Variants in SLC36A1 observed in about 807,000 individuals in gnomAD.
The protein encoded by SLC36A1 is proton-coupled amino acid transporter 1.
A neutral mutation model predicts 47.5 loss-of-function variants in SLC36A1; 30 were observed. The observed-to-expected ratio is 0.63, with a 90% confidence interval of 0.47 to 0.86. The LOEUF (loss-of-function observed/expected upper bound fraction) is 0.86. Ranked by LOEUF, SLC36A1 falls within the 40% of genes least tolerant of loss-of-function variation. SLC36A1 has a pLI of 0.00. For synonymous variants in SLC36A1, 255 were observed against 249.7 expected, an observed-to-expected ratio of 1.02 and a Z score of -0.20; for missense variants, 517 against 606.0, an observed-to-expected ratio of 0.85 and a Z score of 1.54.
the SLC36A1 span, chr5:151,506,071 G>A: frequency 2.6e-6 from 4 of 1,533,480 alleles, no homozygotes; most frequent in South Asian, 3.9e-5. Flanking sequence ...TAAGTAGGGG[G>A]CCAGACCATG....
intron 1 of SLC36A1, among the ~76,000 whole-genome samples, chr5:151,451,504 G>C (rs1441997995): frequency 1.3e-5 from 2 of 152,190 alleles, no homozygotes; most frequent in African/African-American, 4.8e-5. Context: ...TCACAATCCA[G>C]AGTTTTAAAT....
the SLC36A1 span, among the ~76,000 whole-genome samples, chr5:151,520,807 TA>T: frequency 2.4e-3 from 372 of 152,326 alleles, 1 homozygote; most frequent in African/African-American, 8.6e-3. Context: ...CAGACTATGG[TA>T]ATAATAGTAG....
the SLC36A1 span, among the ~76,000 whole-genome samples, chr5:151,373,171 G>A: frequency 5.3e-5 from 8 of 152,000 alleles, no homozygotes; most frequent in Admixed American, 2.6e-4. Flanking sequence ...AGTGGTGTAT[G>A]CCTGTAGTCC....
intron 5 of SLC36A1, among the ~76,000 whole-genome samples, 181 bp downstream of exon 5, chr5:151,465,350 T>G (rs1345307072): frequency 6.6e-6 from 1 of 152,220 alleles, no homozygotes; most frequent in Non-Finnish European, 1.5e-5. Context: ...TAACCCCTTT[T>G]TTCCTTGGGT....
At chr5:151,457,499 G>A (rs946650228) in intron 1 of SLC36A1, among the ~76,000 whole-genome samples, 4 of 152,016 alleles carry the variant, frequency 2.6e-5, no homozygotes, top group Admixed American at 2.6e-4. Context: ...ACATTGAAAG[G>A]ACATTTTTTT....
At chr5:151,362,471 A>G in the SLC36A1 span, among the ~76,000 whole-genome samples, 2 of 148,942 alleles carry the variant, frequency 1.3e-5, no homozygotes, top group African/African-American at 5.0e-5. Flanking sequence ...GCTCACTGCA[A>G]CCTCCGCCTC....
chr5:151,374,438 G>GTA, the SLC36A1 span, among the ~76,000 whole-genome samples: 9 of 152,054 alleles, frequency 5.9e-5, no homozygotes, highest in East Asian at 7.7e-4. Context: ...ATGTGTGTGT[G>GTA]TATATATATA....
At chr5:151,380,673 G>GT in the SLC36A1 span, 1 of 552,262 alleles carries the variant, frequency 1.8e-6, no homozygotes, top group Non-Finnish European at 3.7e-6. Flanking sequence ...TCAAAGATCA[G>GT]TTGGTTGAGC....
upstream of SLC36A1, among the ~76,000 whole-genome samples, chr5:151,443,376 G>A (rs1349942450): frequency 6.6e-6 from 1 of 152,070 alleles, no homozygotes; most frequent in Non-Finnish European, 1.5e-5. Context: ...CATGTATGAG[G>A]TGATATCTAA....
At chr5:151,549,345 A>G in the SLC36A1 span, 25 of 1,613,780 alleles carry the variant, frequency 1.5e-5, no homozygotes, top group Non-Finnish European at 2.0e-5. Context: ...GTCAGCATCC[A>G]TGGCTCGGAC....
intron 10 of SLC36A1, 40 bp downstream of exon 10, chr5:151,479,529 A>C (rs752758022): frequency 1.3e-6 from 2 of 1,596,994 alleles, no homozygotes; most frequent in Non-Finnish European, 1.7e-6. Flanking sequence ...GTTTTTCCCT[A>C]AAGGGCACCC....
At chr5:151,549,413 C>G in the SLC36A1 span, 2 of 1,614,120 alleles carry the variant, frequency 1.2e-6, no homozygotes, top group South Asian at 2.2e-5. Flanking sequence ...CATAATGGAG[C>G]TGAGTGAAGC....
the SLC36A1 span, chr5:151,544,389 C>T: frequency 5.6e-6 from 9 of 1,614,006 alleles, no homozygotes; most frequent in East Asian, 2.2e-5. Context: ...GAGCTGTATC[C>T]GTGGCTCTGA....
At chr5:151,550,333 A>G in the SLC36A1 span, among the ~76,000 whole-genome samples, 1 of 152,158 alleles carries the variant, frequency 6.6e-6, no homozygotes, top group African/African-American at 2.4e-5. Context: ...GCAGGGAGAG[A>G]GCTCTTGGGA....
At chr5:151,549,994 G>A in the SLC36A1 span, among the ~76,000 whole-genome samples, 7 of 152,240 alleles carry the variant, frequency 4.6e-5, no homozygotes, top group South Asian at 2.1e-4. Context: ...GCCAGGCTCC[G>A]ATTCTGGTTC....
chr5:151,389,853 G>A, the SLC36A1 span, among the ~76,000 whole-genome samples: 3 of 151,976 alleles, frequency 2.0e-5, no homozygotes, highest in Admixed American at 6.6e-5. Flanking sequence ...ATTGTGAATA[G>A]TGCCGCAATA....
chr5:151,481,714 C>G (rs987145245), intron 10 of SLC36A1, among the ~76,000 whole-genome samples: 1 of 151,854 alleles, frequency 6.6e-6, no homozygotes, highest in Non-Finnish European at 1.5e-5. Context: ...ATGGCTGATA[C>G]GGACTTTGTG....
intron 5 of SLC36A1, among the ~76,000 whole-genome samples, chr5:151,466,191 C>CTCCTTTCCTTCCT (rs1756348395): frequency 6.6e-6 from 1 of 152,168 alleles, no homozygotes; most frequent in South Asian, 2.1e-4. Flanking sequence ...CCCTCCTTCC[C>CTCCTTTCCTTCCT]TCCTTTCCTT....
chr5:151,467,301 A>C lies in SLC36A1; in HGVS notation c.504+18A>C. 7.0e-7 allele frequency: 1 copy of C among 1,438,708 alleles called. No homozygotes were observed. Among genetic ancestry groups the C allele is most frequent in the Non-Finnish European group, 9.4e-7 (1 of 1,063,224 alleles). 89.1% of individuals were successfully genotyped at this position (1,438,708 alleles called of 1,614,324 possible). A position where few individuals can be genotyped will look rare whatever the true frequency, so the allele number is the denominator to read the frequency against. On this transcript the variant is annotated intron_variant, in intron 6 of 10. Coordinates refer to ENST00000243389, the MANE Select transcript of SLC36A1 (RefSeq NM_078483.4). ...TTAAACAGGTAGGCACCTGGTTAAA[A>C]AAGAAAAAAAAAAAAAAAACCAGAG...
Sources: allele counts gnomAD v4.1 joint callset (sites outside exome capture counted in the v4.1 genomes callset), GRCh38; gene constraint gnomAD v4.1.1; transcripts MANE v1.5; gene names NCBI Gene and HGNC (gene_info 2026-07-23, HGNC 2026-07-21).